Variants in PTPRD observed in about 807,000 individuals in gnomAD.
The protein encoded by PTPRD is protein tyrosine phosphatase receptor type D, also known as receptor-type tyrosine-protein phosphatase delta.
In PTPRD, 34 loss-of-function variants were observed where a neutral mutation model predicts 214.5. The observed-to-expected ratio is 0.16, with a 90% CI of 0.12 to 0.21. PTPRD has a LOEUF of 0.21. Among genes scored for constraint, PTPRD ranks in the 10% least tolerant of loss-of-function variants. The pLI is 1.00. For synonymous variants in PTPRD, 1,128 were observed against 845.7 expected, an observed-to-expected ratio of 1.33 and a Z score of -5.79; for missense variants, 2,545 against 2,398.7, an observed-to-expected ratio of 1.06 and a Z score of -1.27.
chr9:8,484,471 A>G (rs1418540464), intron 29 of PTPRD, 93 bp from the exon 30 acceptor site: 3 of 1,250,668 alleles, frequency 2.4e-6, no homozygotes, highest in Non-Finnish European at 3.3e-6. Flanking sequence ...TGGAAAATGT[A>G]TATATAGTCA....
intron 7 of PTPRD, among the ~76,000 whole-genome samples, chr9:9,684,770 AG>A (rs2154399723): frequency 6.6e-6 from 1 of 151,470 alleles, no homozygotes; most frequent in South Asian, 2.1e-4. Flanking sequence ...GCTCTAATTC[AG>A]GCATTCCAGA....
At chr9:9,367,692 T>C (rs374305495) in intron 9 of PTPRD, among the ~76,000 whole-genome samples, 1 of 151,566 alleles carries the variant, frequency 6.6e-6, no homozygotes, top group Non-Finnish European at 1.5e-5. Context: ...GCCAGAGACG[T>C]GTTCGGACAA....
chr9:9,208,020 C>CTTTTTTT lies in PTPRD; in HGVS notation c.-202-24664_-202-24658dup, dbSNP rs749709602. Reference sequence around the variant, plus strand: ...TGGTATGGCTATTCATATATATCTGCTTTTTTTTTTTTTTTTTGAGACAGA... The same window carrying CTTTTTTT: ...TGGTATGGCTATTCATATATATCTGCTTTTTTTTTTTTTTTTTTTTTTTTGAGACAGA... On this transcript the variant is annotated intron_variant, in intron 9 of 45. Transcript: ENST00000381196. Among the ~76,000 whole-genome samples the CTTTTTTT allele has an allele frequency of 1.3e-3, 70 of 53,264 alleles. 19 individuals are homozygous for CTTTTTTT. Among genetic ancestry groups the CTTTTTTT allele is most frequent in the Middle Eastern group, 0.037 (2 of 54 alleles). The allele number at this position is 53,264 out of a possible 152,430, so 34.9% of individuals were successfully genotyped here.
At chr9:8,638,066 A>G (rs2154330334) in intron 12 of PTPRD, among the ~76,000 whole-genome samples, 1 of 151,202 alleles carries the variant, frequency 6.6e-6, no homozygotes, top group African/African-American at 2.4e-5. Context: ...TTCTGGCTGA[A>G]AATGTTTTAA....
intron 3 of PTPRD, among the ~76,000 whole-genome samples, chr9:10,179,510 T>C (rs2099269342): frequency 1.3e-5 from 2 of 152,032 alleles, no homozygotes; most frequent in Non-Finnish European, 2.9e-5. Flanking sequence ...TTTACTAATA[T>C]AGTATTTATA....
chr9:10,138,535 A>T (rs1029136513), intron 3 of PTPRD, among the ~76,000 whole-genome samples: 1 of 152,094 alleles, frequency 6.6e-6, no homozygotes, highest in Non-Finnish European at 1.5e-5. Flanking sequence ...CAAAAAAATC[A>T]AGGGAGGATG....
At chr9:9,571,614 T>G (rs1432091734) in intron 8 of PTPRD, among the ~76,000 whole-genome samples, 2 of 151,178 alleles carry the variant, frequency 1.3e-5, no homozygotes, top group Non-Finnish European at 3.0e-5. Flanking sequence ...CATAATTCAT[T>G]TAGGCTTAAA....
At chr9:8,379,488 T>A (rs1441835023) in intron 37 of PTPRD, among the ~76,000 whole-genome samples, 1 of 152,128 alleles carries the variant, frequency 6.6e-6, no homozygotes, top group Non-Finnish European at 1.5e-5. Context: ...ATTTCTGATT[T>A]CAGCATTAGG....
At chr9:10,605,855 T>G (rs2079179382) in intron 2 of PTPRD, among the ~76,000 whole-genome samples, 1 of 151,788 alleles carries the variant, frequency 6.6e-6, no homozygotes, top group Non-Finnish European at 1.5e-5. Flanking sequence ...AATACATATT[T>G]GGGACTAGAT....
chr9:10,595,616 C>A (rs867705565), intron 2 of PTPRD, among the ~76,000 whole-genome samples: 1 of 151,126 alleles, frequency 6.6e-6, no homozygotes, highest in Non-Finnish European at 1.5e-5. Context: ...TTTAATATTT[C>A]TGGGTACTTT....
intron 9 of PTPRD, among the ~76,000 whole-genome samples, chr9:9,387,358 AT>A (rs539894269): frequency 4.8e-4 from 73 of 152,056 alleles, no homozygotes; most frequent in South Asian, 8.3e-4. Flanking sequence ...GGTGAATGTT[AT>A]TTTTTTTCTT....
At chr9:9,385,528 G>C (rs1172111836) in intron 9 of PTPRD, among the ~76,000 whole-genome samples, 1 of 152,116 alleles carries the variant, frequency 6.6e-6, no homozygotes, top group Non-Finnish European at 1.5e-5. Flanking sequence ...GAAAGTGTGT[G>C]AAATAAAGTT....
In PTPRD at chr9:10,612,901, C is replaced by A. The variant is rs1341687548; in HGVS notation, c.-921G>T. Among the ~76,000 whole-genome samples the A allele has an allele frequency of 1.3e-5, 2 of 151,744 alleles. No individual in the cohort carries two copies. Among genetic ancestry groups the A allele is most frequent in the Admixed American group, 6.6e-5 (1 of 15,230 alleles). On this transcript the variant is annotated 5_prime_UTR_variant, in exon 1 of 46. Transcript: ENST00000381196. The stretch of plus-strand genomic sequence containing the variant: ...GGGCGAGGCGCTGCCCCCACGCGCT[C>A]CGGCCGCCGGCTGCGGGCGCGGCTG...
chr9:8,540,249 C>T (rs2078057494), intron 14 of PTPRD, among the ~76,000 whole-genome samples: 1 of 152,080 alleles, frequency 6.6e-6, no homozygotes, highest in South Asian at 2.1e-4. Context: ...TATACTCAAG[C>T]ATTGCTTTCC....
At chr9:9,129,442 T>C (rs938787058) in intron 10 of PTPRD, among the ~76,000 whole-genome samples, 1 of 151,966 alleles carries the variant, frequency 6.6e-6, no homozygotes, top group African/African-American at 2.4e-5. Context: ...ACTCAGCTGA[T>C]TTCCCTTCCT....
intron 8 of PTPRD, among the ~76,000 whole-genome samples, chr9:9,518,661 C>T (rs1251142483): frequency 6.6e-6 from 1 of 152,022 alleles, no homozygotes; most frequent in Admixed American, 6.6e-5. Context: ...TCAGGAAAGA[C>T]ATAGTTCTCC....
intron 7 of PTPRD, among the ~76,000 whole-genome samples, chr9:9,715,392 C>T (rs1368679414): frequency 5.9e-5 from 9 of 151,680 alleles, no homozygotes; most frequent in East Asian, 1.9e-4. Context: ...GCAGAAATGA[C>T]GTGTTATAAA....
At chr9:10,597,933 T>C (rs1434734893) in intron 2 of PTPRD, among the ~76,000 whole-genome samples, 1 of 151,800 alleles carries the variant, frequency 6.6e-6, no homozygotes, top group Non-Finnish European at 1.5e-5. Flanking sequence ...TCTGGACAAT[T>C]ACATAAAAAC....
chr9:9,163,340 T>C (rs946645517), intron 10 of PTPRD, among the ~76,000 whole-genome samples: 2 of 152,146 alleles, frequency 1.3e-5, no homozygotes, highest in African/African-American at 2.4e-5. Flanking sequence ...GATCTCCTTA[T>C]CTTTCTTCCA....
Sources: gnomAD v4.1 joint callset for allele counts (sites outside exome capture counted in the v4.1 genomes callset) on GRCh38, gnomAD v4.1.1 for gene constraint, MANE v1.5 for transcripts, NCBI Gene and HGNC (gene_info 2026-07-23, HGNC 2026-07-21) for gene names.